CPEB1: variants seen among roughly 807,000 people sequenced by gnomAD.
CPEB1 encodes cytoplasmic polyadenylation element binding protein 1.
In CPEB1, 7 loss-of-function variants were observed where a neutral mutation model predicts 65.8. The ratio of observed to expected loss-of-function variants is 0.11; its 90% CI spans 0.06 to 0.20. The LOEUF (loss-of-function observed/expected upper bound fraction) is 0.20. Ranked by LOEUF, CPEB1 falls within the 10% of genes least tolerant of loss-of-function variation. CPEB1 has a pLI of 1.00. For synonymous variants in CPEB1, 262 were observed against 260.0 expected (o/e 1.01, Z -0.08); for missense variants, 551 against 712.2 (o/e 0.77, Z 2.58).
At chr15:82,592,443 T>C (rs556561486) in intron 3 of CPEB1, among the ~76,000 whole-genome samples, 1 of 151,908 alleles carries the variant, frequency 6.6e-6, no homozygotes, top group Non-Finnish European at 1.5e-5. Context: ...CAGGGACTGG[T>C]ACGGCATGCC....
At chr15:82,558,853 C>T (rs916753047) in intron 4 of CPEB1, among the ~76,000 whole-genome samples, 1 of 152,086 alleles carries the variant, frequency 6.6e-6, no homozygotes, top group African/African-American at 2.4e-5. Context: ...CTTGGGGAAC[C>T]TAAGCAAAGC....
At chr15:82,578,715 C>T (rs1030067133) in intron 3 of CPEB1, among the ~76,000 whole-genome samples, 10 of 152,118 alleles carry the variant, frequency 6.6e-5, no homozygotes, top group African/African-American at 2.4e-4. Context: ...CAAGATCATG[C>T]CACTGCACTC....
chr15:82,621,861 G>A (rs934429371), intron 3 of CPEB1, among the ~76,000 whole-genome samples: 1 of 152,158 alleles, frequency 6.6e-6, no homozygotes, highest in Non-Finnish European at 1.5e-5. Flanking sequence ...GCTTTGGCTA[G>A]TCAATTCCTT....
chr15:82,633,077 G>A (rs1228673744), intron 1 of CPEB1: 1 of 152,104 alleles, frequency 6.6e-6, no homozygotes. Context: ...ATAAAGTGAG[G>A]TCACTTGTAG....
intron 1 of CPEB1, chr15:82,637,897 A>T: frequency 2.4e-6 from 1 of 414,366 alleles, no homozygotes; most frequent in South Asian, 1.8e-5. Context: ...CACCCATTAG[A>T]AATTAAAAAG....
At chr15:82,614,949 C>T (rs2044570871) in intron 3 of CPEB1, among the ~76,000 whole-genome samples, 1 of 152,052 alleles carries the variant, frequency 6.6e-6, no homozygotes, top group Admixed American at 6.5e-5. Context: ...ATCACAATCA[C>T]TATCACCATT....
At chr15:82,545,865 A>G (rs1048894244) in intron 12 of CPEB1, among the ~76,000 whole-genome samples, 2 of 152,218 alleles carry the variant, frequency 1.3e-5, no homozygotes, top group African/African-American at 4.8e-5. Context: ...ACACCCAGCC[A>G]GGCTTCCATC....
At position 82,589,632 on chromosome 15, in the gene CPEB1, T is replaced by C. The variant is rs1489746496; in HGVS notation, c.272-18100A>G. Among the ~76,000 whole-genome samples the C allele has an allele frequency of 6.6e-5, 10 of 151,834 alleles. No individual in the cohort carries two copies. The East Asian group carries it at 1.9e-3, about 30-fold the overall frequency. On this transcript the variant is annotated intron_variant, in intron 3 of 12. Coordinates refer to ENST00000684509, the MANE Select transcript of CPEB1 (RefSeq NM_001365242.1). The stretch of plus-strand genomic sequence containing the variant: ...AGTGGCACATGCCCATAGTCCCAGC[T>C]ACTCGGGAGGCTGAGGCAGGAGAGG...
At position 82,544,647 on chromosome 15, in the gene CPEB1, C is replaced by T; in HGVS notation, c.1712G>A (p.Gly571Asp). Reference sequence around the variant, plus strand: ...CATCAGGGGGCTGTGGTGGCGCAGGCCCTCCATGCTGTGCCGCCAGTGCCA... The same window carrying T: ...CATCAGGGGGCTGTGGTGGCGCAGGTCCTCCATGCTGTGCCGCCAGTGCCA... ...SCWHWRHSME[G>D]LRHHSPLMRN... The change falls in exon 13 of 13, where the codon GGC (glycine) becomes GAC (aspartate). Residue 571 changes from glycine (G) to aspartate (D), a missense_variant. Gly to Asp is a moderately conservative substitution (Grantham distance 94, BLOSUM62 -1). Around this residue, in one of 6 missense-constraint regions of CPEB1, gnomAD observed 98 missense variants for 157.6 expected, o/e 0.62. Transcript: ENST00000684509. The T allele has an allele frequency of 1.2e-6, 2 of 1,613,352 alleles. No homozygotes were observed. Among genetic ancestry groups the T allele is most frequent in the South Asian group, 1.1e-5 (1 of 91,022 alleles).
chr15:82,584,931 C>T (rs1567201673), intron 3 of CPEB1, among the ~76,000 whole-genome samples: 1 of 23,996 alleles, frequency 4.2e-5, no homozygotes, highest in African/African-American at 5.4e-4. Context: ...TTACAGTGAA[C>T]ACATTGTAAC....
chr15:82,553,616 C>A, intron 7 of CPEB1, 60 bp from the exon 8 acceptor site: 1 of 1,256,670 alleles, frequency 8.0e-7, no homozygotes, highest in Non-Finnish European at 1.2e-6. Flanking sequence ...AGTAAAGACA[C>A]AAACACAGAA....
At chr15:82,620,338 T>C (rs1183905268) in intron 3 of CPEB1, among the ~76,000 whole-genome samples, 2 of 146,592 alleles carry the variant, frequency 1.4e-5, no homozygotes, top group African/African-American at 5.0e-5. Flanking sequence ...GGGAGAAGAA[T>C]CCCTTGAACC....
intron 1 of CPEB1, among the ~76,000 whole-genome samples, chr15:82,636,159 T>C (rs1316967687): frequency 6.6e-6 from 1 of 152,176 alleles, no homozygotes; most frequent in Non-Finnish European, 1.5e-5. Flanking sequence ...ATCCTCCCAA[T>C]TCATTGCCAA....
intron 3 of CPEB1, among the ~76,000 whole-genome samples, chr15:82,573,809 T>C (rs1194113478): frequency 6.6e-6 from 1 of 152,036 alleles, no homozygotes; most frequent in Non-Finnish European, 1.5e-5. Flanking sequence ...AGTTAATATA[T>C]ATGTATGCAA....
chr15:82,572,943 G>T, intron 3 of CPEB1: 7 of 1,266,086 alleles, frequency 5.5e-6, no homozygotes, highest in Non-Finnish European at 7.3e-6. Context: ...TGAGCCCAGG[G>T]TCACTGGGCT....
intron 3 of CPEB1, among the ~76,000 whole-genome samples, chr15:82,621,620 G>GA (rs35287218): frequency 0.31 from 40,832 of 130,216 alleles, 5,799 homozygotes; most frequent in South Asian, 0.44. Flanking sequence ...CTCCATCTCA[G>GA]AAAAAAAAAA....
chr15:82,642,557 C>T (rs1309948298), intron 1 of CPEB1, among the ~76,000 whole-genome samples: 7 of 152,110 alleles, frequency 4.6e-5, no homozygotes, highest in Non-Finnish European at 1.0e-4. Context: ...CAAAAAAAAC[C>T]TTAATAATAA....
chr15:82,579,604 T>A (rs955463971), intron 3 of CPEB1, among the ~76,000 whole-genome samples: 6 of 151,892 alleles, frequency 4.0e-5, no homozygotes, highest in Non-Finnish European at 7.4e-5. Flanking sequence ...AAGGATGACA[T>A]GTGATCAACA....
intron 2 of CPEB1, 94 bp downstream of exon 2, chr15:82,628,270 G>A (rs1377386276): frequency 5.7e-6 from 4 of 702,544 alleles, no homozygotes; most frequent in Non-Finnish European, 1.0e-5. Context: ...GCCAATACAG[G>A]AAATCATGAA....
Sources: gnomAD v4.1 joint callset for allele counts (sites outside exome capture counted in the v4.1 genomes callset) on GRCh38, gnomAD v4.1.1 for gene constraint, gnomAD v4.1.1 regional missense constraint, MANE v1.5 for transcripts, NCBI Gene and HGNC (gene_info 2026-07-23, HGNC 2026-07-21) for gene names.